Variants in RBPJ observed in about 807,000 individuals in gnomAD.
RBPJ encodes the protein recombining binding protein suppressor of hairless.
Under a neutral mutation model 67.8 loss-of-function variants are expected in RBPJ, and 9 were observed. The ratio of observed to expected loss-of-function variants is 0.13; its 90% confidence interval spans 0.08 to 0.23. The LOEUF is 0.23. Among genes scored for constraint, RBPJ ranks in the 10% least tolerant of loss-of-function variants. The pLI is 1.00. For synonymous variants in RBPJ, 198 were observed against 203.3 expected (o/e 0.97, Z 0.22); for missense variants, 305 against 595.6 (o/e 0.51, Z 5.08).
chr4:26,254,843 A>ATTT (rs71643604), intron 1 of RBPJ, among the ~76,000 whole-genome samples: 449 of 16,544 alleles, frequency 0.027, 198 homozygotes, highest in Non-Finnish European at 0.041. Flanking sequence ...ATGCCCAGCT[A>ATTT]TTTTTTTTTT....
At chr4:26,253,129 C>T (rs1720167048) in intron 1 of RBPJ, among the ~76,000 whole-genome samples, 1 of 152,182 alleles carries the variant, frequency 6.6e-6, no homozygotes, top group Admixed American at 6.5e-5. Context: ...CATGCTTAAT[C>T]CTTTTCCACA....
intron 1 of RBPJ, among the ~76,000 whole-genome samples, chr4:26,225,821 A>G (rs1719056698): frequency 6.6e-6 from 1 of 151,926 alleles, no homozygotes; most frequent in African/African-American, 2.4e-5. Context: ...GAAGCAGGAT[A>G]TTTTCCACTG....
At chr4:26,119,074 A>G in the RBPJ span, among the ~76,000 whole-genome samples, 9 of 152,238 alleles carry the variant, frequency 5.9e-5, no homozygotes, top group Non-Finnish European at 1.3e-4. Context: ...TCAGTTTCAC[A>G]ATCAGTAAAA....
intron 1 of RBPJ, among the ~76,000 whole-genome samples, chr4:26,210,300 T>C (rs1445913485): frequency 2.0e-5 from 3 of 152,150 alleles, no homozygotes; most frequent in Admixed American, 2.0e-4. Flanking sequence ...TCCCCTCCTC[T>C]TCACTAAACC....
intron 1 of RBPJ, among the ~76,000 whole-genome samples, chr4:26,283,310 C>A (rs373657238): frequency 6.6e-6 from 1 of 151,566 alleles, no homozygotes. Context: ...TTTGGGAGGC[C>A]GAGGTGGGTG....
chr4:26,159,203 C>T (rs1419348405), upstream of RBPJ, among the ~76,000 whole-genome samples: 1 of 152,126 alleles, frequency 6.6e-6, no homozygotes, highest in Admixed American at 6.5e-5. Context: ...GTATAAGATC[C>T]AAGCAACTCT....
At chr4:26,320,743 C>T (rs776098449), upstream of RBPJ, 2 of 1,551,932 alleles carry the variant, frequency 1.3e-6, no homozygotes, top group South Asian at 1.2e-5. Flanking sequence ...ACCCGGATAA[C>T]CGGAGCGCTC....
intron 1 of RBPJ, among the ~76,000 whole-genome samples, chr4:26,212,438 T>TTC (rs1560212934): frequency 1.6e-5 from 2 of 124,524 alleles, no homozygotes; most frequent in African/African-American, 2.8e-5. Flanking sequence ...TTTTCTTTTT[T>TTC]TTTTTTTTTT....
intron 1 of RBPJ, among the ~76,000 whole-genome samples, chr4:26,185,854 T>A (rs1717229620): frequency 6.6e-6 from 1 of 152,170 alleles, no homozygotes; most frequent in African/African-American, 2.4e-5. Context: ...GAGGCCAGCC[T>A]GGCCAACATG....
At chr4:26,316,827 C>CTTTTTTTTTTTTTTTTTTTT (rs56130072), upstream of RBPJ, among the ~76,000 whole-genome samples, 5 of 71,396 alleles carry the variant, frequency 7.0e-5, 1 homozygote, top group African/African-American at 1.1e-4. Flanking sequence ...ACCCAGACGA[C>CTTTTTTTTTTTTTTTTTTTT]TTTTTTTTTT....
intron 1 of RBPJ, among the ~76,000 whole-genome samples, chr4:26,371,739 G>C (rs1281773411): frequency 6.6e-6 from 1 of 152,170 alleles, no homozygotes; most frequent in Non-Finnish European, 1.5e-5. Flanking sequence ...GTTTTGGTTT[G>C]CTGAGAAATC....
intron 1 of RBPJ, among the ~76,000 whole-genome samples, chr4:26,285,621 C>T (rs1241392141): frequency 6.9e-6 from 1 of 145,700 alleles, no homozygotes; most frequent in Non-Finnish European, 1.5e-5. Flanking sequence ...CTCTACACCT[C>T]ACACCAAAAC....
the RBPJ span, among the ~76,000 whole-genome samples, chr4:26,125,380 A>T: frequency 2.0e-5 from 3 of 152,214 alleles, no homozygotes; most frequent in Admixed American, 1.3e-4. Flanking sequence ...CTACTGACTG[A>T]GGAATGTTTT....
At chr4:26,319,700 G>A (rs950163767), upstream of RBPJ, 2 of 698,934 alleles carry the variant, frequency 2.9e-6, no homozygotes, top group Non-Finnish European at 5.3e-6. Context: ...CGTGAGACTG[G>A]ACTGCCCGCA....
intron 1 of RBPJ, among the ~76,000 whole-genome samples, chr4:26,329,028 C>T (rs1314917170): frequency 2.6e-5 from 4 of 152,154 alleles, no homozygotes; most frequent in Non-Finnish European, 5.9e-5. Context: ...GAGTTTTGCT[C>T]TGTTGCCCAG....
chr4:26,432,445 T>C lies in RBPJ; in HGVS notation c.*1438T>C, dbSNP rs992322519. 2 of 152,230 alleles carry C rather than the reference T, an allele frequency of 1.3e-5. No individual in the cohort carries two copies. The highest frequency in any genetic ancestry group is 4.8e-5 in the African/African-American group (2 of 41,456). The allele number at this position is 152,230 out of a possible 1,614,324, so 9.4% of individuals were successfully genotyped here. On this transcript the variant is annotated 3_prime_UTR_variant, in exon 11 of 11. Transcript: ENST00000355476. ...GTTTTCTCTTTTCCAGTACTGAGCA[T>C]CTCCACAAATGTCTCCTAACTCAGA... is the stretch of plus-strand genomic sequence containing the variant.
At chr4:26,332,061 A>G (rs1724323041) in intron 1 of RBPJ, among the ~76,000 whole-genome samples, 1 of 152,234 alleles carries the variant, frequency 6.6e-6, no homozygotes, top group Non-Finnish European at 1.5e-5. Context: ...TCTGTCATCC[A>G]TGCTTATCCA....
intron 1 of RBPJ, among the ~76,000 whole-genome samples, chr4:26,277,770 T>G (rs1439819154): frequency 6.6e-6 from 1 of 152,228 alleles, no homozygotes; most frequent in African/African-American, 2.4e-5. Context: ...AGAAATGCTC[T>G]CCTGACCCTC....
chr4:26,325,852 GA>G (rs1723575568), intron 1 of RBPJ, among the ~76,000 whole-genome samples: 1 of 152,134 alleles, frequency 6.6e-6, no homozygotes, highest in African/African-American at 2.4e-5. Context: ...AAGACTAAGG[GA>G]ATATTCTAAC....
Sources: allele counts gnomAD v4.1 joint callset (sites outside exome capture counted in the v4.1 genomes callset), GRCh38; gene constraint gnomAD v4.1.1; transcripts MANE v1.5; gene names NCBI Gene and HGNC (gene_info 2026-07-23, HGNC 2026-07-21).